Variants in SVEP1 observed in about 807,000 individuals in gnomAD.
The protein encoded by SVEP1 is sushi, von Willebrand factor type A, EGF and pentraxin domain-containing protein 1.
In SVEP1, 164 loss-of-function variants were observed where a neutral mutation model predicts 367.3. The observed-to-expected ratio is 0.45, with a 90% CI of 0.39 to 0.51. The LOEUF (loss-of-function observed/expected upper bound fraction) is 0.51, where lower values mean the gene tolerates loss of function less well. SVEP1 is among the 20% of genes least tolerant of loss of function. The probability of loss-of-function intolerance (pLI) is 0.00; values close to 1 mark genes in which losing one functional copy is unlikely to be tolerated. For missense variants in SVEP1, 4,117 were observed against 4,425.3 expected, an observed-to-expected ratio of 0.93 and a Z score of 1.98; for synonymous variants, 1,666 against 1,611.6, an observed-to-expected ratio of 1.03 and a Z score of -0.81.
intron 1 of SVEP1, among the ~76,000 whole-genome samples, chr9:110,559,111 C>T (rs1405544510): frequency 1.3e-5 from 2 of 151,986 alleles, no homozygotes; most frequent in Non-Finnish European, 2.9e-5. Flanking sequence ...ATTAGAAAAA[C>T]AGCAGATTTC....
chr9:110,563,888 C>T (rs1830458944), intron 1 of SVEP1, among the ~76,000 whole-genome samples: 1 of 152,146 alleles, frequency 6.6e-6, no homozygotes, highest in Non-Finnish European at 1.5e-5. Context: ...TAGTACCTGT[C>T]TACTGGTAAT....
chr9:110,560,820 C>T (rs892172034), intron 1 of SVEP1, among the ~76,000 whole-genome samples: 12 of 152,104 alleles, frequency 7.9e-5, no homozygotes, highest in Admixed American at 2.0e-4. Flanking sequence ...ACAATCTAAT[C>T]GCCCCAGCCA....
At chr9:110,566,186 G>C (rs1431516949) in intron 1 of SVEP1, among the ~76,000 whole-genome samples, 1 of 151,738 alleles carries the variant, frequency 6.6e-6, no homozygotes, top group Non-Finnish European at 1.5e-5. Context: ...GCCAGGTGTG[G>C]TGGCTCACAC....
intron 1 of SVEP1, among the ~76,000 whole-genome samples, chr9:110,578,367 G>GT (rs530214167): frequency 0.42 from 62,347 of 150,216 alleles, 13,799 homozygotes; most frequent in East Asian, 0.68. Context: ...AAATTTTAGG[G>GT]TTTTTTTTTC....
At chr9:110,435,698 C>A (rs982488470) in intron 28 of SVEP1, among the ~76,000 whole-genome samples, 2 of 152,192 alleles carry the variant, frequency 1.3e-5, no homozygotes, top group African/African-American at 4.8e-5. Flanking sequence ...ACCTCTGACA[C>A]AGAATTGAGG....
intron 1 of SVEP1, among the ~76,000 whole-genome samples, chr9:110,556,163 G>T (rs1830354998): frequency 6.6e-6 from 1 of 152,126 alleles, no homozygotes; most frequent in Non-Finnish European, 1.5e-5. Flanking sequence ...AGGAAAGTAA[G>T]CTTCCCTTGT....
At chr9:110,570,446 TAAGACAAA>T (rs1469865431) in intron 1 of SVEP1, among the ~76,000 whole-genome samples, 2 of 150,642 alleles carry the variant, frequency 1.3e-5, no homozygotes, top group Non-Finnish European at 2.9e-5. Context: ...TCTGGGAAAC[TAAGACAAA>T]AAGTTTCTGT....
intron 3 of SVEP1, among the ~76,000 whole-genome samples, chr9:110,520,490 G>C (rs998393123): frequency 6.6e-6 from 1 of 152,114 alleles, no homozygotes; most frequent in Admixed American, 6.6e-5. Context: ...CATCTTGGCG[G>C]TTATCAGCTA....
At chr9:110,423,168 T>TAAAAAAA in intron 36 of SVEP1, among the ~76,000 whole-genome samples, 20 of 103,626 alleles carry the variant, frequency 1.9e-4, no homozygotes, top group East Asian at 2.5e-4. Context: ...AAAAATAAAG[T>TAAAAAAA]AAAAAAAAAA....
Position 110,406,368 on chromosome 9 carries a change from T to G in SVEP1, c.9232A>C (p.Thr3078Pro). The G allele has an allele frequency of 6.2e-7, 1 of 1,614,076 alleles. No homozygotes were observed. The highest frequency in any genetic ancestry group is 8.5e-7 in the Non-Finnish European group (1 of 1,179,904). Reference protein sequence around the residue: ...PMIPNAFISETSSWKENVITY... With the variant: ...PMIPNAFISEPSSWKENVITY... ...ATCACATTTTCCTTCCAAGAGCTGG[T>G]CTCACTGATGAACGCATTTGGTATC... The change falls in exon 38 of 48, where the codon ACC (threonine) becomes CCC (proline). Residue 3078 changes from threonine (T) to proline (P), a missense_variant. This residue lies in a region of SVEP1 where 1,765 missense variants were observed against 1,781.1 expected (regional missense o/e 0.99). Coordinates refer to ENST00000374469, the MANE Select transcript of SVEP1 (RefSeq NM_153366.4).
chr9:110,570,913 G>C (rs1275800545), intron 1 of SVEP1, among the ~76,000 whole-genome samples: 2 of 151,352 alleles, frequency 1.3e-5, no homozygotes, highest in Non-Finnish European at 2.9e-5. Context: ...GGAAGAAATG[G>C]AATAGGATTT....
chr9:110,389,005 T>C (rs894875956), intron 41 of SVEP1, among the ~76,000 whole-genome samples: 11 of 152,104 alleles, frequency 7.2e-5, no homozygotes, highest in African/African-American at 2.7e-4. Context: ...CATACATACA[T>C]TGTCCTTTGG....
chr9:110,402,530 AG>A (rs554587194), intron 39 of SVEP1, among the ~76,000 whole-genome samples: 158 of 152,246 alleles, frequency 1.0e-3, no homozygotes, highest in African/African-American at 3.1e-3. Context: ...TGAGCAAAAA[AG>A]GGGGGTCATA....
rs1242514554 is a variant in SVEP1, at chr9:110,579,372, C to T, written c.172G>A (p.Gly58Arg). ...APPAPGDEAA[G>R]SRVERLGQAF... ...TGGCCCAGCCGCTCCACTCTGCTCC[C>T]CGCCGCTTCGTCGCCAGGAGCGGGC... The change falls in exon 1 of 48, where the codon GGG becomes AGG. Residue 58 changes from glycine to arginine, a missense_variant. By Grantham distance (125) the Gly-to-Arg change is moderately radical. Coordinates refer to ENST00000374469, the MANE Select transcript of SVEP1 (RefSeq NM_153366.4). This position sits in a 1 kb window ranked among gnomAD's most constrained non-coding sequence, Gnocchi z 5.3. 6.4e-7 allele frequency: 1 copy of T among 1,561,164 alleles called. No individual in the cohort carries two copies.
chr9:110,429,381 G>T, intron 34 of SVEP1, 47 bp from the exon 35 acceptor site: 1 of 1,359,358 alleles, frequency 7.4e-7, no homozygotes, highest in South Asian at 1.8e-5. Context: ...GCTTTATTTT[G>T]CATGCCGTTA....
chr9:110,549,106 C>T (rs1229310953), intron 2 of SVEP1, among the ~76,000 whole-genome samples: 1 of 152,108 alleles, frequency 6.6e-6, no homozygotes, highest in Non-Finnish European at 1.5e-5. Flanking sequence ...CCTAATTTGC[C>T]ATATCACTTT....
chr9:110,549,876 C>A lies in SVEP1; in HGVS notation c.760G>T (p.Ala254Ser), dbSNP rs1436701825. Residue 254 changes from alanine to serine, a missense_variant, in exon 2 of 48, where the codon GCT (alanine) becomes TCT (serine). This residue lies in a region of SVEP1 where 2,174 missense variants were observed against 2,494.3 expected (regional missense o/e 0.87). Transcript: ENST00000374469. ...YLLHSFEEFEALARRALHEDL... is the reference protein window; with the variant it reads ...YLLHSFEEFESLARRALHEDL... ...TCATGCAATGCCCGGCGAGCTAAAG[C>A]CTCAAATTCTTCAAAACTGTGTAGC... is the stretch of plus-strand genomic sequence containing the variant. The A allele has an allele frequency of 1.2e-6, 2 of 1,613,846 alleles. No individual in the cohort carries two copies. Among genetic ancestry groups the A allele is most frequent in the Non-Finnish European group, 8.5e-7 (1 of 1,179,838 alleles).
rs201060222 is a variant in SVEP1, at chr9:110,549,950, C to G, written c.686G>C (p.Arg229Pro). ...GGTGGAAGCCATGTCATTCAGCTCTCGAATGTTCCCTTGCCATATGCCAAA... is the reference window on the plus strand; with the variant it reads ...GGTGGAAGCCATGTCATTCAGCTCTGGAATGTTCCCTTGCCATATGCCAAA... The part of the protein sequence containing the change: ...FTFGIWQGNI[R>P]ELNDMASTPK... Residue 229 changes from arginine (R) to proline (P), a missense_variant, in exon 2 of 48, where the codon CGA becomes CCA. Physicochemically the swap from Arg to Pro is moderately radical, Grantham distance 103. Transcript: ENST00000374469. The G allele has an allele frequency of 9.0e-4, 1,453 of 1,613,884 alleles. 2 individuals are homozygous for G. The highest frequency in any genetic ancestry group is 1.2e-3 in the Non-Finnish European group (1,369 of 1,179,894).
intron 1 of SVEP1, among the ~76,000 whole-genome samples, chr9:110,572,713 T>G (rs749673924): frequency 1.1e-4 from 16 of 144,068 alleles, no homozygotes; most frequent in Admixed American, 2.9e-4. Context: ...AATACAAAAT[T>G]TAGTCAGGTG....
Sources: gnomAD v4.1 joint callset for allele counts (sites outside exome capture counted in the v4.1 genomes callset) on GRCh38, gnomAD v4.1.1 for gene constraint, gnomAD v4.1.1 regional missense constraint, Gnocchi (gnomAD v3.1) non-coding constraint, MANE v1.5 for transcripts, NCBI Gene and HGNC (gene_info 2026-07-23, HGNC 2026-07-21) for gene names.